Variants in AHCYL1 observed in about 807,000 individuals in gnomAD.
The protein encoded by AHCYL1 is adenosylhomocysteinase like 1.
Under a neutral mutation model 79.3 loss-of-function variants are expected in AHCYL1, and 20 were observed. That is an observed-to-expected ratio of 0.25 (90% CI 0.18 to 0.37). The LOEUF is 0.37. AHCYL1 is among the 10% of genes least tolerant of loss of function. The pLI is 1.00. For missense variants in AHCYL1, 330 were observed against 673.6 expected, an observed-to-expected ratio of 0.49 and a Z score of 5.65; for synonymous variants, 223 against 242.2, an observed-to-expected ratio of 0.92 and a Z score of 0.74.
intron 1 of AHCYL1, among the ~76,000 whole-genome samples, chr1:109,999,459 G>T (rs1370615275): frequency 6.6e-6 from 1 of 152,142 alleles, no homozygotes; most frequent in Non-Finnish European, 1.5e-5. Flanking sequence ...CTGACGCCTG[G>T]TAAGAACCTT....
At position 109,984,912 on chromosome 1, in the gene AHCYL1, A is replaced by G; in HGVS notation, c.-141A>G. On this transcript the variant is annotated 5_prime_UTR_variant, in exon 1 of 17. Transcript: ENST00000369799. ...CAAGGCGTGGGCCACAGCACCTCAG[A>G]AGCCGACGCAGCTCGACGCAGGGGC... The G allele has an allele frequency of 7.8e-7, 1 of 1,280,758 alleles. No homozygotes were observed. The highest frequency in any genetic ancestry group is 9.9e-7 in the Non-Finnish European group (1 of 1,005,310). 79.3% of individuals were successfully genotyped at this position (1,280,758 alleles called of 1,614,324 possible). A position where few individuals can be genotyped will look rare whatever the true frequency, so the allele number is the denominator to read the frequency against.
intron 1 of AHCYL1, chr1:110,004,219 T>C: frequency 6.1e-6 from 6 of 985,568 alleles, no homozygotes; most frequent in Non-Finnish European, 7.2e-6. Context: ...CGGGGGAAGA[T>C]ATGTGCTGAG....
chr1:110,014,450 T>C (rs1168401262), intron 5 of AHCYL1, among the ~76,000 whole-genome samples: 1 of 152,248 alleles, frequency 6.6e-6, no homozygotes, highest in Non-Finnish European at 1.5e-5. Context: ...TTCAAGATGT[T>C]TACTAATATC....
chr1:110,017,423 C>A (rs1257539916), intron 9 of AHCYL1, 72 bp from the exon 10 acceptor site: 4 of 1,450,800 alleles, frequency 2.8e-6, no homozygotes, highest in Non-Finnish European at 3.9e-6. Flanking sequence ...TCCTGTCTCA[C>A]AAATAACCTA....
rs1651424878 is a variant in AHCYL1 at position 110,016,437 on chromosome 1, C to T, written c.876C>T (p.Cys292=). 1.9e-6 allele frequency: 3 copies of T among 1,613,860 alleles called. No individual in the cohort carries two copies. Among genetic ancestry groups the T allele is most frequent in the African/African-American group, 2.7e-5 (2 of 74,922 alleles). The change falls in exon 8 of 17, where the codon TGC becomes TGT. Residue 292 remains cysteine, a synonymous_variant. Coordinates refer to ENST00000369799, the MANE Select transcript of AHCYL1 (RefSeq NM_006621.7). ...VTKQKFDNLY[C]CRESILDGLK... ...AACAGAAGTTTGATAACTTGTACTG[C>T]TGCCGAGAATCCATTTTGGATGGGT...
chr1:109,988,399 G>T (rs572718801), intron 1 of AHCYL1, among the ~76,000 whole-genome samples: 1 of 152,370 alleles, frequency 6.6e-6, no homozygotes, highest in South Asian at 2.1e-4. Flanking sequence ...AACTGAAGAA[G>T]ATCCTTGTTT....
At chr1:109,997,623 G>A (rs1206535156) in intron 1 of AHCYL1, among the ~76,000 whole-genome samples, 1 of 152,196 alleles carries the variant, frequency 6.6e-6, no homozygotes, top group African/African-American at 2.4e-5. Context: ...TGCTGGAAAA[G>A]TTGGTGTTAA....
intron 2 of AHCYL1, among the ~76,000 whole-genome samples, chr1:110,010,191 A>G (rs868020136): frequency 1.3e-5 from 2 of 152,240 alleles, no homozygotes; most frequent in African/African-American, 4.8e-5. Flanking sequence ...AAAGTCTTCA[A>G]AGATCTTGAC....
Position 110,021,890 on chromosome 1 carries a change from C to T in AHCYL1, c.*210C>T. Reference sequence around the variant, plus strand: ...GATGAAATAGAAGTTCAGGGTTCCTCACTCTAGTCACTAAAGAAGGATTTT... The same window carrying T: ...GATGAAATAGAAGTTCAGGGTTCCTTACTCTAGTCACTAAAGAAGGATTTT... On this transcript the variant is annotated 3_prime_UTR_variant, in exon 17 of 17. Coordinates refer to ENST00000369799, the MANE Select transcript of AHCYL1 (RefSeq NM_006621.7). 5.9e-6 allele frequency: 3 copies of T among 512,422 alleles called. No individual in the cohort carries two copies. The South Asian group carries it at 9.2e-5, about 16-fold the overall frequency. The allele number at this position is 512,422 out of a possible 1,614,324, so 31.7% of individuals were successfully genotyped here.
chr1:110,014,985 G>C, intron 6 of AHCYL1, 128 bp downstream of exon 6: 2 of 837,226 alleles, frequency 2.4e-6, no homozygotes, highest in South Asian at 1.6e-5. Flanking sequence ...AAAGTGTTTA[G>C]CTTGATACCT....
chr1:109,991,796 G>A (rs1319412147), intron 1 of AHCYL1, among the ~76,000 whole-genome samples: 2 of 152,190 alleles, frequency 1.3e-5, no homozygotes, highest in Admixed American at 1.3e-4. Flanking sequence ...TGGAGGAGAT[G>A]AGTATAACCA....
At chr1:110,006,762 T>C (rs1221039089) in intron 1 of AHCYL1, among the ~76,000 whole-genome samples, 1 of 152,184 alleles carries the variant, frequency 6.6e-6, no homozygotes, top group Non-Finnish European at 1.5e-5. Context: ...TAATTTGGGG[T>C]GGAAGAAAAG....
intron 2 of AHCYL1, among the ~76,000 whole-genome samples, chr1:110,010,604 A>T (rs1212768385): frequency 6.6e-6 from 1 of 152,176 alleles, no homozygotes; most frequent in Admixed American, 6.5e-5. Flanking sequence ...AACTTAGTGT[A>T]AAATCCCTTG....
At chr1:110,004,214 G>A (rs1481550175) in intron 1 of AHCYL1, 26 of 985,534 alleles carry the variant, frequency 2.6e-5, no homozygotes, top group Non-Finnish European at 2.8e-5. Context: ...GTCGGCGGGG[G>A]AAGATATGTG....
chr1:110,018,713 G>T, intron 13 of AHCYL1, 63 bp downstream of exon 13: 6 of 1,409,048 alleles, frequency 4.3e-6, no homozygotes, highest in Non-Finnish European at 5.9e-6. Context: ...TATGAGGGGG[G>T]AGGGGAGGGA....
chr1:110,001,162 T>G (rs1650289721), intron 1 of AHCYL1, among the ~76,000 whole-genome samples: 1 of 152,192 alleles, frequency 6.6e-6, no homozygotes, highest in Admixed American at 6.5e-5. Flanking sequence ...ATTGACAAAA[T>G]TTGCCAATAT....
intron 1 of AHCYL1, chr1:110,000,985 A>G (rs1557764129): frequency 2.0e-6 from 2 of 983,556 alleles, no homozygotes; most frequent in Non-Finnish European, 2.4e-6. Context: ...TGTCCACCCT[A>G]CTAGTAAGTG....
chr1:109,995,531 C>A (rs148644714), intron 1 of AHCYL1: 5 of 331,212 alleles, frequency 1.5e-5, no homozygotes, highest in Non-Finnish European at 2.2e-5. Context: ...TCTCTACTTC[C>A]TTTGCCTTAT....
intron 1 of AHCYL1, among the ~76,000 whole-genome samples, chr1:110,006,876 G>A (rs1034075239): frequency 2.0e-5 from 3 of 152,102 alleles, no homozygotes; most frequent in Admixed American, 6.5e-5. Flanking sequence ...CCATGGCTTG[G>A]GTTAACTACA....
Sources: gnomAD v4.1 joint callset for allele counts (sites outside exome capture counted in the v4.1 genomes callset) on GRCh38, gnomAD v4.1.1 for gene constraint, MANE v1.5 for transcripts, NCBI Gene and HGNC (gene_info 2026-07-23, HGNC 2026-07-21) for gene names.